The following SLC4A8 variants were observed in gnomAD, a reference collection of about 807,000 sequenced individuals.
SLC4A8 encodes electroneutral sodium bicarbonate exchanger 1.
A neutral mutation model predicts 125.0 loss-of-function variants in SLC4A8; 40 were observed. The ratio of observed to expected loss-of-function variants is 0.32; its 90% confidence interval spans 0.25 to 0.42. SLC4A8 has a LOEUF of 0.42. SLC4A8 is among the 10% of genes least tolerant of loss of function. The probability of loss-of-function intolerance (pLI) is 1.00; values close to 1 mark genes in which losing one functional copy is unlikely to be tolerated. For synonymous variants in SLC4A8, 456 were observed against 476.0 expected (o/e 0.96, Z 0.55); for missense variants, 863 against 1,355.1 (o/e 0.64, Z 5.70).
At chr12:51,501,400 A>G (rs1404635691) in intron 22 of SLC4A8, among the ~76,000 whole-genome samples, 2 of 152,192 alleles carry the variant, frequency 1.3e-5, no homozygotes, top group Admixed American at 6.5e-5. Context: ...AAATGAGAAC[A>G]TGCATTATTT....
intron 16 of SLC4A8, among the ~76,000 whole-genome samples, chr12:51,477,381 A>G (rs1447639359): frequency 3.3e-5 from 5 of 152,186 alleles, no homozygotes; most frequent in East Asian, 1.9e-4. Flanking sequence ...TAATGAAACT[A>G]TAACTCAGGA....
At chr12:51,447,579 G>T (rs951945285) in intron 2 of SLC4A8, among the ~76,000 whole-genome samples, 1 of 152,100 alleles carries the variant, frequency 6.6e-6, no homozygotes. Context: ...GTGATGGTGG[G>T]TACAGCAGTC....
chr12:51,474,491 G>T, intron 15 of SLC4A8, 44 bp downstream of exon 15: 1 of 1,583,798 alleles, frequency 6.3e-7, no homozygotes, highest in Non-Finnish European at 8.6e-7. Context: ...GTGACCACAG[G>T]TTTAGGAGGG....
At chr12:51,479,748 A>G (rs1160377283) in intron 16 of SLC4A8, among the ~76,000 whole-genome samples, 9 of 151,862 alleles carry the variant, frequency 5.9e-5, no homozygotes, top group African/African-American at 2.2e-4. Context: ...CAAAATACAT[A>G]TTTTATAATA....
intron 16 of SLC4A8, among the ~76,000 whole-genome samples, chr12:51,476,373 C>A (rs895216853): frequency 6.6e-6 from 1 of 151,806 alleles, no homozygotes; most frequent in African/African-American, 2.4e-5. Flanking sequence ...CCCAGCTACT[C>A]GGGAGGCTGA....
intron 19 of SLC4A8, among the ~76,000 whole-genome samples, chr12:51,492,435 C>T (rs1056551424): frequency 6.6e-6 from 1 of 152,126 alleles, no homozygotes; most frequent in African/African-American, 2.4e-5. Flanking sequence ...TATTCCCTGT[C>T]CCCAGCCCAA....
At chr12:51,401,400 G>A (rs1385136596) in intron 1 of SLC4A8, among the ~76,000 whole-genome samples, 1 of 152,188 alleles carries the variant, frequency 6.6e-6, no homozygotes, top group Non-Finnish European at 1.5e-5. Flanking sequence ...GAAGGGAGAT[G>A]GAGTGGAAAG....
In SLC4A8 at chr12:51,497,097, T is replaced by C; in HGVS notation, c.3054T>C (p.Asp1018=). 6.2e-7 allele frequency: 1 copy of C among 1,613,294 alleles called. No individual in the cohort carries two copies. Among genetic ancestry groups the C allele is most frequent in the South Asian group, 1.1e-5 (1 of 90,782 alleles). ...MPESKKKKLD[D]AKKKAKEEEE... ...AAAGCAAAAAGAAGAAGTTGGATGA[T>C]GCCAAAAAGAAGGCCAAGGAGGAAG... Residue 1018 remains aspartate (D), a synonymous_variant, in exon 22 of 25, where the codon GAT becomes GAC. Coordinates refer to ENST00000453097, the MANE Select transcript of SLC4A8 (RefSeq NM_001039960.3).
At chr12:51,412,035 C>T (rs4623950) in intron 1 of SLC4A8, among the ~76,000 whole-genome samples, 2 of 152,158 alleles carry the variant, frequency 1.3e-5, no homozygotes, top group Admixed American at 1.3e-4. Context: ...ATACTCCAGC[C>T]TGAGTGACAG....
At chr12:51,491,093 G>A (rs1355054972) in intron 19 of SLC4A8, among the ~76,000 whole-genome samples, 2 of 152,138 alleles carry the variant, frequency 1.3e-5, no homozygotes, top group African/African-American at 4.8e-5. Context: ...TTGACCATCT[G>A]GTGGAGTGTG....
chr12:51,505,056 T>C (rs1938106641), intron 23 of SLC4A8, among the ~76,000 whole-genome samples: 1 of 152,212 alleles, frequency 6.6e-6, no homozygotes, highest in Admixed American at 6.5e-5. Context: ...TGGGGGAAAT[T>C]AGGACAGTCT....
intron 1 of SLC4A8, among the ~76,000 whole-genome samples, chr12:51,413,201 G>T (rs1040284795): frequency 1.3e-5 from 2 of 152,182 alleles, no homozygotes; most frequent in Non-Finnish European, 2.9e-5. Flanking sequence ...ATACCTGTTG[G>T]CCATTTCTAT....
intron 1 of SLC4A8, among the ~76,000 whole-genome samples, chr12:51,428,480 C>A (rs2138051612): frequency 6.6e-6 from 1 of 152,316 alleles, no homozygotes; most frequent in South Asian, 2.1e-4. Context: ...GACAGATGGC[C>A]ATTACTTCAT....
At chr12:51,490,434 CTGT>C (rs1046066845) in intron 19 of SLC4A8, among the ~76,000 whole-genome samples, 10 of 151,818 alleles carry the variant, frequency 6.6e-5, no homozygotes, top group African/African-American at 2.4e-4. Context: ...TGGCAGGTGC[CTGT>C]AGTCCCAGCT....
chr12:51,439,097 C>T (rs979776549), intron 1 of SLC4A8, among the ~76,000 whole-genome samples: 32 of 152,084 alleles, frequency 2.1e-4, no homozygotes, highest in African/African-American at 7.5e-4. Flanking sequence ...CGCTCTGTTG[C>T]CCATGCTGGA....
At position 51,437,929 on chromosome 12, in the gene SLC4A8, G is replaced by A. The variant is rs758489886; in HGVS notation, c.49-2779G>A. ...TAAGAGTTTTTTTGAAATAATTCAGGGTCTTGTGATTCAGGGTATTGATAG... is the reference window on the plus strand; with the variant it reads ...TAAGAGTTTTTTTGAAATAATTCAGAGTCTTGTGATTCAGGGTATTGATAG... On this transcript the variant is annotated intron_variant, in intron 1 of 24. Coordinates refer to ENST00000453097, the MANE Select transcript of SLC4A8 (RefSeq NM_001039960.3). Among the ~76,000 whole-genome samples, 154 of 152,000 alleles carry A rather than the reference G, an allele frequency of 1.0e-3. 2 individuals carry two copies. Among genetic ancestry groups the A allele is most frequent in the Non-Finnish European group, 1.5e-3 (105 of 67,998 alleles).
intron 16 of SLC4A8, among the ~76,000 whole-genome samples, chr12:51,478,684 A>T (rs1273797680): frequency 6.6e-6 from 1 of 152,222 alleles, no homozygotes; most frequent in Non-Finnish European, 1.5e-5. Flanking sequence ...TGTCTGCTTA[A>T]CATATATTTG....
intron 1 of SLC4A8, 48 bp downstream of exon 1, chr12:51,425,083 T>G (rs769055606): frequency 6.5e-7 from 1 of 1,534,852 alleles, no homozygotes; most frequent in South Asian, 1.2e-5. Context: ...GGGCGCAGCC[T>G]CCTCATCCTC....
At chr12:51,499,332 C>T (rs565017451) in intron 22 of SLC4A8, among the ~76,000 whole-genome samples, 41 of 152,238 alleles carry the variant, frequency 2.7e-4, no homozygotes, top group African/African-American at 6.0e-4. Flanking sequence ...CACACACACA[C>T]GTGCATGTGT....
Sources: gnomAD v4.1 joint callset for allele counts (sites outside exome capture counted in the v4.1 genomes callset) on GRCh38, gnomAD v4.1.1 for gene constraint, MANE v1.5 for transcripts, NCBI Gene and HGNC (gene_info 2026-07-23, HGNC 2026-07-21) for gene names.